The following DMXL1 variants were observed in gnomAD, a reference collection of about 807,000 sequenced individuals.
DMXL1 encodes Dmx like 1.
Under a neutral mutation model 319.2 loss-of-function variants are expected in DMXL1, and 99 were observed. The ratio of observed to expected loss-of-function variants is 0.31; its 90% CI spans 0.26 to 0.37. DMXL1 has a LOEUF of 0.37. Among genes scored for constraint, DMXL1 ranks in the 10% least tolerant of loss-of-function variants. The pLI is 1.00. For synonymous variants in DMXL1, 1,385 were observed against 1,235.2 expected, an observed-to-expected ratio of 1.12 and a Z score of -2.54; for missense variants, 3,745 against 3,595.6, an observed-to-expected ratio of 1.04 and a Z score of -1.06.
intron 19 of DMXL1, among the ~76,000 whole-genome samples, chr5:119,155,263 G>C (rs925117894): frequency 1.1e-4 from 17 of 152,152 alleles, no homozygotes; most frequent in Non-Finnish European, 1.8e-4. Context: ...AGCTGCTATA[G>C]ATAATTATTC....
At chr5:119,195,241 T>C (rs73242999) in intron 30 of DMXL1, among the ~76,000 whole-genome samples, 3,463 of 152,290 alleles carry the variant, frequency 0.023, 126 homozygotes, top group African/African-American at 0.078. Context: ...ATTTCCACTA[T>C]GGATATATAC....
intron 32 of DMXL1, among the ~76,000 whole-genome samples, chr5:119,200,084 C>A (rs890455678): frequency 3.3e-5 from 5 of 152,088 alleles, no homozygotes; most frequent in Admixed American, 6.6e-5. Context: ...TTAATTAGAT[C>A]CTATTTGTCA....
chr5:119,087,750 C>T (rs536609550), intron 1 of DMXL1, among the ~76,000 whole-genome samples: 33 of 152,084 alleles, frequency 2.2e-4, no homozygotes, highest in Non-Finnish European at 4.0e-4. Flanking sequence ...GCGTTAAATT[C>T]TCCTACGTTA....
Position 119,133,996 on chromosome 5 carries a change from T to A in DMXL1, c.2072T>A (p.Val691Asp). Residue 691 changes from valine to aspartate, a missense_variant, in exon 12 of 44, where the codon GTT becomes GAT. Val to Asp is a radical substitution (Grantham distance 152, BLOSUM62 -3). Around this residue, in one of 4 missense-constraint regions of DMXL1, gnomAD observed 2,096 missense variants for 1,985.4 expected, o/e 1.06. Coordinates refer to ENST00000539542, the MANE Select transcript of DMXL1 (RefSeq NM_001290321.3). Reference sequence around the variant, plus strand: ...TTGACACAACAAAATAAAAGCACTGTTGACGTGGCATTTCAGGATCCCAGT... The same window carrying A: ...TTGACACAACAAAATAAAAGCACTGATGACGTGGCATTTCAGGATCCCAGT... ...CSLTQQNKST[V>D]DVAFQDPSAV... The A allele has an allele frequency of 6.2e-7, 1 of 1,614,218 alleles. No individual in the cohort carries two copies. The highest frequency in any genetic ancestry group is 8.5e-7 in the Non-Finnish European group (1 of 1,180,030).
At chr5:119,214,688 T>A (rs949835053) in intron 34 of DMXL1, among the ~76,000 whole-genome samples, 3 of 151,904 alleles carry the variant, frequency 2.0e-5, no homozygotes, top group Middle Eastern at 3.2e-3. Context: ...TAAAAAAAAA[T>A]CACCTCAGTT....
chr5:119,194,048 G>C, intron 30 of DMXL1, 78 bp downstream of exon 30: 8 of 1,017,554 alleles, frequency 7.9e-6, no homozygotes, highest in Non-Finnish European at 1.1e-5. Context: ...AATTACATGT[G>C]AAATTAATAG....
In DMXL1 at chr5:119,164,507, G is replaced by T; in HGVS notation, c.4703G>T (p.Gly1568Val). ...PAYRAQLLHQ[G>V]LSTSHFAWAF... Reference sequence around the variant, plus strand: ...AACATCATTTTTTACATTTCTTCAGGCCTGTCTACAAGTCATTTTGCTTGG... The same window carrying T: ...AACATCATTTTTTACATTTCTTCAGTCCTGTCTACAAGTCATTTTGCTTGG... The change falls in exon 20 of 44, where the codon GGC (glycine) becomes GTC (valine). Residue 1568 changes from glycine (G) to valine (V), a missense_variant and splice_region_variant. Gly to Val is a moderately radical substitution (Grantham distance 109). This residue lies in a region of DMXL1 where 2,096 missense variants were observed against 1,985.4 expected (regional missense o/e 1.06). Transcript: ENST00000539542. The T allele has an allele frequency of 6.2e-7, 1 of 1,611,532 alleles. No individual in the cohort carries two copies. The highest frequency in any genetic ancestry group is 8.5e-7 in the Non-Finnish European group (1 of 1,178,494).
intron 5 of DMXL1, among the ~76,000 whole-genome samples, chr5:119,112,097 A>T (rs1220141394): frequency 6.6e-6 from 1 of 152,004 alleles, no homozygotes; most frequent in Non-Finnish European, 1.5e-5. Flanking sequence ...AGTAGTTGGG[A>T]CTACAGGCGC....
chr5:119,212,343 A>C (rs1284459743), intron 34 of DMXL1, among the ~76,000 whole-genome samples: 2 of 152,234 alleles, frequency 1.3e-5, no homozygotes, highest in Admixed American at 6.5e-5. Context: ...TTCACCAAGC[A>C]TAATGTCTTT....
intron 31 of DMXL1, among the ~76,000 whole-genome samples, chr5:119,197,164 T>G (rs1447368212): frequency 6.6e-6 from 1 of 152,198 alleles, no homozygotes; most frequent in Non-Finnish European, 1.5e-5. Flanking sequence ...GTTTTCATTT[T>G]CTACAGATCT....
At chr5:119,114,067 C>T (rs1760261622) in intron 5 of DMXL1, among the ~76,000 whole-genome samples, 1 of 152,108 alleles carries the variant, frequency 6.6e-6, no homozygotes, top group Admixed American at 6.6e-5. Flanking sequence ...CCCTGTTAAC[C>T]CACACATAAT....
At chr5:119,153,138 G>C (rs1324282710) in intron 19 of DMXL1, among the ~76,000 whole-genome samples, 1 of 151,910 alleles carries the variant, frequency 6.6e-6, no homozygotes, top group Non-Finnish European at 1.5e-5. Context: ...CACCACGCCT[G>C]GCTAATTTTT....
chr5:119,116,101 G>T, intron 6 of DMXL1, 57 bp from the exon 7 acceptor site: 1 of 1,491,988 alleles, frequency 6.7e-7, no homozygotes, highest in South Asian at 1.3e-5. Flanking sequence ...TTTGCTATTT[G>T]ATTTAATCTT....
intron 34 of DMXL1, among the ~76,000 whole-genome samples, chr5:119,208,249 G>C (rs1350923393): frequency 6.8e-6 from 1 of 147,662 alleles, no homozygotes; most frequent in African/African-American, 2.5e-5. Flanking sequence ...GTTTCACTCA[G>C]GTTTCCCAGA....
chr5:119,129,205 T>A lies in DMXL1; in HGVS notation c.1103-6T>A. ...ATTTTAATTTTATCTTTTTTTTCTC[T>A]TATAGACATTCCACTTCTTCCATCT... On this transcript the variant is annotated splice_region_variant and splice_polypyrimidine_tract_variant and intron_variant, in intron 9 of 43. Coordinates refer to ENST00000539542, the MANE Select transcript of DMXL1 (RefSeq NM_001290321.3). The A allele has an allele frequency of 6.3e-7, 1 of 1,583,268 alleles. No individual in the cohort carries two copies. The highest frequency in any genetic ancestry group is 1.4e-5 in the African/African-American group (1 of 73,728).
At chr5:119,191,292 G>A (rs761185306) in intron 29 of DMXL1, among the ~76,000 whole-genome samples, 2 of 152,094 alleles carry the variant, frequency 1.3e-5, no homozygotes, top group African/African-American at 2.4e-5. Context: ...ATTTCCAGAC[G>A]TTCTCCTGCA....
rs1784532840 is a variant in DMXL1 at position 119,220,885 on chromosome 5, G to A, written c.8136-55G>A. ...AATTCAAATTTTAGACCTTTCAAGT[G>A]TAAAAAAGAAAGAAATGATGAGTTG... On this transcript the variant is annotated intron_variant, in intron 36 of 43. Transcript: ENST00000539542. 2.5e-6 allele frequency: 4 copies of A among 1,579,168 alleles called. No individual in the cohort carries two copies. The Admixed American group carries it at 5.6e-5, about 22-fold the overall frequency.
intron 5 of DMXL1, among the ~76,000 whole-genome samples, chr5:119,112,514 T>TA (rs1759866717): frequency 6.6e-6 from 1 of 152,186 alleles, no homozygotes; most frequent in South Asian, 2.1e-4. Flanking sequence ...ATAGCATAAA[T>TA]ATCACATACC....
At chr5:119,095,731 C>CA (rs1755799989) in intron 1 of DMXL1, among the ~76,000 whole-genome samples, 2 of 152,136 alleles carry the variant, frequency 1.3e-5, no homozygotes, top group Admixed American at 6.6e-5. Flanking sequence ...ATTTGAAAGA[C>CA]AACTTCTCTT....
Sources: gnomAD v4.1 joint callset for allele counts (sites outside exome capture counted in the v4.1 genomes callset) on GRCh38, gnomAD v4.1.1 for gene constraint, gnomAD v4.1.1 regional missense constraint, MANE v1.5 for transcripts, NCBI Gene and HGNC (gene_info 2026-07-23, HGNC 2026-07-21) for gene names.